Variants in ROBO2 observed in about 807,000 individuals in gnomAD.
The protein encoded by ROBO2 is roundabout homolog 2.
ROBO2 carries 53 observed loss-of-function variants against 160.8 expected under a neutral mutation model. The observed-to-expected ratio is 0.33, with a 90% CI of 0.26 to 0.41. ROBO2 has a LOEUF of 0.41. ROBO2 is among the 10% of genes least tolerant of loss of function. ROBO2 has a pLI of 1.00. For missense variants in ROBO2, 1,577 were observed against 1,722.4 expected (o/e 0.92, Z 1.49); for synonymous variants, 664 against 611.7 (o/e 1.09, Z -1.26).
intron 2 of ROBO2, among the ~76,000 whole-genome samples, chr3:76,041,248 G>C (rs536826019): frequency 1.3e-5 from 2 of 152,164 alleles, no homozygotes; most frequent in South Asian, 4.1e-4. Context: ...TGCTGAGGAA[G>C]ATAATGTCAT....
intron 2 of ROBO2, among the ~76,000 whole-genome samples, chr3:77,157,700 G>A (rs952679036): frequency 2.6e-5 from 4 of 152,100 alleles, no homozygotes; most frequent in Non-Finnish European, 5.9e-5. Context: ...ATTGTAGGTT[G>A]AAGGGAGCTA....
At chr3:76,872,533 A>T (rs2072224083) in intron 2 of ROBO2, among the ~76,000 whole-genome samples, 1 of 151,992 alleles carries the variant, frequency 6.6e-6, no homozygotes, top group Non-Finnish European at 1.5e-5. Context: ...TTAAATTCTT[A>T]TATTTTCAAA....
chr3:77,545,397 TTTTC>T (rs1202922739), intron 6 of ROBO2, among the ~76,000 whole-genome samples: 2 of 152,054 alleles, frequency 1.3e-5, no homozygotes, highest in African/African-American at 4.8e-5. Context: ...ATAATGCCCA[TTTTC>T]TACACAGAGC....
chr3:76,283,870 G>T (rs1708372808), intron 2 of ROBO2, among the ~76,000 whole-genome samples: 1 of 151,890 alleles, frequency 6.6e-6, no homozygotes, highest in Non-Finnish European at 1.5e-5. Flanking sequence ...TTATTACATG[G>T]GGTCTTCTCT....
intron 2 of ROBO2, among the ~76,000 whole-genome samples, chr3:77,103,594 C>T (rs2072357059): frequency 2.0e-5 from 3 of 152,066 alleles, no homozygotes; most frequent in African/African-American, 7.2e-5. Context: ...GATTGAATTC[C>T]ATGACTTCAG....
chr3:77,216,568 ACTGCACTCACTGTC>A (rs1156556449), intron 2 of ROBO2, among the ~76,000 whole-genome samples: 2 of 152,116 alleles, frequency 1.3e-5, no homozygotes, highest in Admixed American at 6.5e-5. Flanking sequence ...TGCTCAGTGC[ACTGCACTCACTGTC>A]CTGCACCCAC....
intron 2 of ROBO2, among the ~76,000 whole-genome samples, chr3:75,984,032 A>G (rs1576378587): frequency 6.6e-6 from 1 of 151,472 alleles, no homozygotes; most frequent in African/African-American, 2.4e-5. Flanking sequence ...GAGATACCTA[A>G]ATATTTCCAT....
chr3:76,813,278 G>T (rs1257106148), intron 2 of ROBO2, among the ~76,000 whole-genome samples: 1 of 151,990 alleles, frequency 6.6e-6, no homozygotes, highest in Non-Finnish European at 1.5e-5. Context: ...TTTAGCCAAA[G>T]AATTCACAAA....
At chr3:76,942,924 A>G (rs1381400815) in intron 2 of ROBO2, among the ~76,000 whole-genome samples, 5 of 152,118 alleles carry the variant, frequency 3.3e-5, no homozygotes, top group African/African-American at 1.2e-4. Context: ...TTGAGCACCA[A>G]ACTGTGGCTA....
At chr3:77,236,742 T>C (rs2088049083) in intron 2 of ROBO2, among the ~76,000 whole-genome samples, 2 of 152,354 alleles carry the variant, frequency 1.3e-5, no homozygotes, top group East Asian at 1.9e-4. Context: ...CTGATCTTTT[T>C]TAACTGTCTC....
At chr3:76,320,334 A>C (rs914980573) in intron 2 of ROBO2, among the ~76,000 whole-genome samples, 5 of 152,180 alleles carry the variant, frequency 3.3e-5, no homozygotes, top group African/African-American at 1.2e-4. Flanking sequence ...AAAATTAAAA[A>C]GATGTAATGA....
At chr3:76,004,157 C>A (rs2065959681) in intron 2 of ROBO2, among the ~76,000 whole-genome samples, 1 of 152,064 alleles carries the variant, frequency 6.6e-6, no homozygotes, top group Admixed American at 6.5e-5. Flanking sequence ...CAGAAGCCCA[C>A]ATATTAGTAA....
intron 2 of ROBO2, among the ~76,000 whole-genome samples, chr3:77,323,636 A>C (rs2065049697): frequency 6.6e-6 from 1 of 152,154 alleles, no homozygotes; most frequent in East Asian, 1.9e-4. Context: ...CAATACTGAT[A>C]ACAAATTTCT....
At chr3:77,014,411 T>C (rs2062104899) in intron 2 of ROBO2, among the ~76,000 whole-genome samples, 1 of 152,180 alleles carries the variant, frequency 6.6e-6, no homozygotes, top group Non-Finnish European at 1.5e-5. Context: ...GCCAGGGCTA[T>C]GCTTGAATAG....
chr3:76,263,976 A>T (rs1246511060), intron 2 of ROBO2, among the ~76,000 whole-genome samples: 1 of 152,154 alleles, frequency 6.6e-6, no homozygotes, highest in Non-Finnish European at 1.5e-5. Flanking sequence ...GGAACAGAAA[A>T]CCAAACTCCA....
chr3:76,942,970 T>G (rs1002212342), intron 2 of ROBO2, among the ~76,000 whole-genome samples: 1 of 152,152 alleles, frequency 6.6e-6, no homozygotes, highest in Non-Finnish European at 1.5e-5. Context: ...CTTGTAAGAT[T>G]TATGCGTTTA....
exon 16 of ROBO2, chr3:77,580,092 A>G: frequency 6.2e-7 from 1 of 1,613,832 alleles, no homozygotes; most frequent in Non-Finnish European, 8.5e-7. Context: ...GTTGGAGTAA[A>G]GAGTGAGCCA....
upstream of ROBO2, among the ~76,000 whole-genome samples, chr3:77,038,474 A>G (rs1473965900): frequency 6.6e-6 from 1 of 152,086 alleles, no homozygotes; most frequent in South Asian, 2.1e-4. Flanking sequence ...TATGCAAGGG[A>G]GACCTAAGTT....
intron 2 of ROBO2, among the ~76,000 whole-genome samples, chr3:76,143,048 G>A (rs920317973): frequency 1.3e-5 from 2 of 151,890 alleles, no homozygotes; most frequent in Non-Finnish European, 2.9e-5. Context: ...ATTTGAGATA[G>A]GAACTTCTTG....
Sources: gnomAD v4.1 joint callset for allele counts (sites outside exome capture counted in the v4.1 genomes callset) on GRCh38, gnomAD v4.1.1 for gene constraint, MANE v1.5 for transcripts, NCBI Gene and HGNC (gene_info 2026-07-23, HGNC 2026-07-21) for gene names.